The following SCUBE1 variants were observed in gnomAD, a reference collection of about 807,000 sequenced individuals.
SCUBE1 encodes signal peptide, CUB domain and EGF like domain containing 1.
SCUBE1 carries 59 observed loss-of-function variants against 124.4 expected under a neutral mutation model. The observed-to-expected ratio is 0.47, with a 90% confidence interval of 0.38 to 0.59. The LOEUF (loss-of-function observed/expected upper bound fraction) is 0.59. Ranked by LOEUF, SCUBE1 falls within the 20% of genes least tolerant of loss-of-function variation. SCUBE1 has a pLI of 0.00. For missense variants in SCUBE1, 1,150 were observed against 1,371.2 expected (o/e 0.84, Z 2.55); for synonymous variants, 545 against 550.9 (o/e 0.99, Z 0.15).
chr22:43,267,053 G>A (rs1434413754), intron 4 of SCUBE1, among the ~76,000 whole-genome samples: 1 of 152,210 alleles, frequency 6.6e-6, no homozygotes, highest in Non-Finnish European at 1.5e-5. Flanking sequence ...TATCGAGGGA[G>A]ACACAGGGAG....
intron 3 of SCUBE1, among the ~76,000 whole-genome samples, chr22:43,305,513 G>C (rs952549446): frequency 2.0e-5 from 3 of 152,198 alleles, no homozygotes; most frequent in African/African-American, 7.2e-5. Flanking sequence ...AGGTTCTCCA[G>C]GTAGGGGAAT....
chr22:43,319,865 C>T (rs1926483260), intron 3 of SCUBE1, 72 bp downstream of exon 3: 2 of 1,568,718 alleles, frequency 1.3e-6, no homozygotes, highest in African/African-American at 2.7e-5. Context: ...CTCATGGCTC[C>T]CAACTCTGTA....
intron 2 of SCUBE1, among the ~76,000 whole-genome samples, chr22:43,320,943 T>G (rs1442716594): frequency 6.6e-6 from 1 of 152,178 alleles, no homozygotes; most frequent in East Asian, 1.9e-4. Context: ...AGCGAGAATT[T>G]GCCAGCCTGG....
At chr22:43,244,224 G>A (rs1389987608) in intron 6 of SCUBE1, among the ~76,000 whole-genome samples, 2 of 152,150 alleles carry the variant, frequency 1.3e-5, no homozygotes, top group East Asian at 3.8e-4. Context: ...CACCCCCCTT[G>A]GCCTTGAATA....
Position 43,220,430 on chromosome 22 carries a change from C to T in SCUBE1, c.1687+20G>A. ...CCTCCTTCAGGCCTGCAGAAGCCCC[C>T]AGGAGAACCCCTCACCTACCTGAGG... On this transcript the variant is annotated intron_variant, in intron 14 of 21. Coordinates refer to ENST00000360835, the MANE Select transcript of SCUBE1 (RefSeq NM_173050.5). The T allele has an allele frequency of 6.2e-7, 1 of 1,611,412 alleles. No homozygotes were observed. Among genetic ancestry groups the T allele is most frequent in the Non-Finnish European group, 8.5e-7 (1 of 1,178,288 alleles).
intron 17 of SCUBE1, 52 bp downstream of exon 17, chr22:43,212,373 G>C: frequency 1.3e-6 from 2 of 1,533,304 alleles, no homozygotes; most frequent in Non-Finnish European, 1.8e-6. Context: ...TCTCGGAGCA[G>C]TGCAGCCCTG....
Position 43,240,225 on chromosome 22 carries a change from G to T in SCUBE1, c.728-1271C>A, listed in dbSNP as rs371657541. On this transcript the variant is annotated intron_variant, in intron 6 of 21. Transcript: ENST00000360835. ...GAGCTGCGGCTGCCAGTGGAAGGTG[G>T]GTGGTCTTGACCCTGACACTCTTCC... Among the ~76,000 whole-genome samples the T allele has an allele frequency of 2.0e-5, 3 of 152,132 alleles. No individual in the cohort carries two copies. The South Asian group carries it at 6.2e-4, about 32-fold the overall frequency.
chr22:43,203,642 C>T lies in SCUBE1; in HGVS notation c.*355G>A, dbSNP rs189133473. ...CCTGGACTCCTGTCTCGGATGACCA[C>T]GCCTCCCAGAGCACAGGCCCCACTT... is the stretch of plus-strand genomic sequence containing the variant. On this transcript the variant is annotated 3_prime_UTR_variant, in exon 22 of 22. Coordinates refer to ENST00000360835, the MANE Select transcript of SCUBE1 (RefSeq NM_173050.5). 118 of 193,158 alleles carry T rather than the reference C, an allele frequency of 6.1e-4. No individual in the cohort carries two copies. Among genetic ancestry groups the T allele is most frequent in the African/African-American group, 2.6e-3 (109 of 42,538 alleles). The allele number at this position is 193,158 out of a possible 1,614,324, so 12.0% of individuals were successfully genotyped here.
intron 2 of SCUBE1, among the ~76,000 whole-genome samples, chr22:43,325,056 C>T (rs930812923): frequency 2.0e-5 from 3 of 151,054 alleles, no homozygotes; most frequent in South Asian, 2.1e-4. Flanking sequence ...CACACAGACA[C>T]GCGGAGAGAA....
chr22:43,208,001 C>A, intron 20 of SCUBE1, 71 bp downstream of exon 20: 1 of 1,549,498 alleles, frequency 6.5e-7, no homozygotes, highest in Non-Finnish European at 8.9e-7. Context: ...CGGGGACGTG[C>A]GACTCATCTC....
chr22:43,333,504 T>C (rs1926967242), intron 2 of SCUBE1, among the ~76,000 whole-genome samples: 1 of 152,160 alleles, frequency 6.6e-6, no homozygotes, highest in Admixed American at 6.5e-5. Flanking sequence ...CTGGATTTGC[T>C]AACAGGGATT....
chr22:43,288,285 G>T (rs778480332), intron 4 of SCUBE1, among the ~76,000 whole-genome samples: 5 of 152,050 alleles, frequency 3.3e-5, no homozygotes, highest in Non-Finnish European at 7.4e-5. Flanking sequence ...GTGTGCCCAG[G>T]GTCCCACCCA....
At chr22:43,291,718 A>T (rs1468682519) in intron 3 of SCUBE1, among the ~76,000 whole-genome samples, 1 of 152,180 alleles carries the variant, frequency 6.6e-6, no homozygotes, top group African/African-American at 2.4e-5. Context: ...TCCTGGAAAG[A>T]GTCCAGTGGC....
intron 8 of SCUBE1, among the ~76,000 whole-genome samples, chr22:43,229,923 AAC>A (rs778207978): frequency 4.7e-4 from 72 of 152,330 alleles, no homozygotes; most frequent in Admixed American, 2.2e-3. Context: ...CTGAAGGCAA[AAC>A]AGACGCCAAC....
chr22:43,329,426 G>A (rs1926832024), intron 2 of SCUBE1, among the ~76,000 whole-genome samples: 1 of 152,284 alleles, frequency 6.6e-6, no homozygotes, highest in African/African-American at 2.4e-5. Flanking sequence ...GCTGAACTCT[G>A]ATGTCAGGAT....
At chr22:43,223,502 G>A (rs569699322) in intron 10 of SCUBE1, among the ~76,000 whole-genome samples, 2 of 152,318 alleles carry the variant, frequency 1.3e-5, no homozygotes, top group South Asian at 4.1e-4. Flanking sequence ...GCAGGGCTGA[G>A]CTCTCCAGGG....
At chr22:43,317,325 TGGG>T (rs1459818119) in intron 3 of SCUBE1, among the ~76,000 whole-genome samples, 1 of 152,288 alleles carries the variant, frequency 6.6e-6, no homozygotes, top group East Asian at 1.9e-4. Context: ...CACGCGATCT[TGGG>T]AAGTGGATTA....
intron 6 of SCUBE1, among the ~76,000 whole-genome samples, chr22:43,240,024 T>A (rs1481598548): frequency 6.6e-6 from 1 of 152,190 alleles, no homozygotes; most frequent in Non-Finnish European, 1.5e-5. Flanking sequence ...CTGGTGCTAA[T>A]TAAATGAAAT....
chr22:43,300,977 C>T (rs1309443413), intron 3 of SCUBE1, among the ~76,000 whole-genome samples: 1 of 152,190 alleles, frequency 6.6e-6, no homozygotes, highest in Admixed American at 6.5e-5. Context: ...CCAAGTCCCC[C>T]TCCCACAAAA....
Sources: allele counts gnomAD v4.1 joint callset (sites outside exome capture counted in the v4.1 genomes callset), GRCh38; gene constraint gnomAD v4.1.1; transcripts MANE v1.5; gene names NCBI Gene and HGNC (gene_info 2026-07-23, HGNC 2026-07-21).